Variants in MTCL1 observed in about 807,000 individuals in gnomAD.
MTCL1 encodes microtubule cross-linking factor 1.
MTCL1 carries 79 observed loss-of-function variants against 141.4 expected under a neutral mutation model. That is an observed-to-expected ratio of 0.56 (90% confidence interval 0.47 to 0.67). MTCL1 has a LOEUF of 0.67. Ranked by LOEUF, MTCL1 falls within the 30% of genes least tolerant of loss-of-function variation. MTCL1 has a pLI of 0.00. For missense variants in MTCL1, 2,177 were observed against 2,113.9 expected, an observed-to-expected ratio of 1.03 and a Z score of -0.59; for synonymous variants, 914 against 875.8, an observed-to-expected ratio of 1.04 and a Z score of -0.77.
At chr18:8,784,559 G>A (rs1284623346) in exon 6 of MTCL1, 1 of 1,608,562 alleles carries the variant, frequency 6.2e-7, no homozygotes, top group Non-Finnish European at 8.5e-7. Flanking sequence ...CCATGATGCG[G>A]GGCTGCGGGG....
intron 4 of MTCL1, among the ~76,000 whole-genome samples, chr18:8,774,932 C>T (rs1304004290): frequency 6.6e-6 from 1 of 152,084 alleles, no homozygotes; most frequent in Non-Finnish European, 1.5e-5. Context: ...CTCAGGGCTA[C>T]AGTTGACAGC....
At chr18:8,802,614 G>A (rs2076158640) in intron 10 of MTCL1, among the ~76,000 whole-genome samples, 1 of 152,240 alleles carries the variant, frequency 6.6e-6, no homozygotes, top group African/African-American at 2.4e-5. Flanking sequence ...TGGATAGACA[G>A]ACTTGGATAG....
intron 4 of MTCL1, among the ~76,000 whole-genome samples, chr18:8,767,646 T>C (rs2096465636): frequency 6.6e-6 from 1 of 152,172 alleles, no homozygotes; most frequent in African/African-American, 2.4e-5. Flanking sequence ...CCATCAGTCT[T>C]GTCCATCATT....
In MTCL1 at chr18:8,785,390, G is replaced by A. The variant is rs3810052; in HGVS notation, c.1732-546G>A. 2.2e-4 allele frequency among the ~76,000 whole-genome samples: 33 copies of A among 152,322 alleles called. 1 individual carries two copies. In the East Asian group the frequency reaches 5.0e-3, roughly 23 times the overall value. On this transcript the variant is annotated intron_variant, in intron 6 of 16. Transcript: ENST00000359865. ...TCAGCCAAAGCGGGCGAGGAGCACG[G>A]TGCTGAGAAGGATGGTTTTGGTGGA...
intron 6 of MTCL1, among the ~76,000 whole-genome samples, chr18:8,785,152 A>G (rs1250366167): frequency 2.0e-5 from 3 of 151,998 alleles, no homozygotes; most frequent in Non-Finnish European, 2.9e-5. Flanking sequence ...TGGAAGCGAT[A>G]GGGCTCGACG....
At chr18:8,812,313 G>T (rs775744794) in intron 11 of MTCL1, among the ~76,000 whole-genome samples, 5 of 151,632 alleles carry the variant, frequency 3.3e-5, no homozygotes, top group Non-Finnish European at 5.9e-5. Context: ...GTTTTCATTT[G>T]CTGAAAAGTG....
At chr18:8,740,514 G>T (rs34717954) in intron 4 of MTCL1, among the ~76,000 whole-genome samples, 38,607 of 151,954 alleles carry the variant, frequency 0.25, 5,836 homozygotes, top group Admixed American at 0.41. Context: ...GCAGAGTCTC[G>T]CTCTGTCACC....
chr18:8,739,502 C>A (rs1236675328), intron 4 of MTCL1, among the ~76,000 whole-genome samples: 1 of 152,140 alleles, frequency 6.6e-6, no homozygotes, highest in Non-Finnish European at 1.5e-5. Context: ...TTCTTCTTTT[C>A]ATGTTAATAA....
rs182050922 is a variant in MTCL1 at position 8,812,264 on chromosome 18, C to G, written c.2605-715C>G. Among the ~76,000 whole-genome samples the G allele has an allele frequency of 8.5e-5, 13 of 152,198 alleles. 1 individual carries two copies. The East Asian group carries it at 2.5e-3, about 29-fold the overall frequency. ...CTTTTTCATTTCCTGAAGTACAGGT[C>G]TGTTGGCAATGGTTTTTTTTGTTTT... On this transcript the variant is annotated intron_variant, in intron 11 of 16. Coordinates refer to ENST00000359865, the Ensembl canonical transcript of MTCL1.
At chr18:8,781,956 G>A (rs1254227757) in intron 5 of MTCL1, 3 of 152,316 alleles carry the variant, frequency 2.0e-5, no homozygotes, top group African/African-American at 7.2e-5. Context: ...CTTGGTCGTA[G>A]GTGTTGGGCT....
intron 6 of MTCL1, 189 bp from the exon 6 acceptor site, chr18:8,785,747 T>G: frequency 1.5e-6 from 1 of 675,530 alleles, no homozygotes; most frequent in Non-Finnish European, 2.5e-6. Context: ...TTCACTTTCT[T>G]ACACCACTGT....
intron 4 of MTCL1, among the ~76,000 whole-genome samples, chr18:8,740,039 T>C (rs1476964463): frequency 6.6e-6 from 1 of 152,202 alleles, no homozygotes; most frequent in African/African-American, 2.4e-5. Context: ...CCAAGGAGAT[T>C]GTAAAGAGGA....
At position 8,779,182 on chromosome 18, in the gene MTCL1, A is replaced by C; in HGVS notation, c.417+1290A>C. Among the ~76,000 whole-genome samples, 1 of 152,198 alleles carries C rather than the reference A, an allele frequency of 6.6e-6. No individual in the cohort carries two copies. The highest frequency in any genetic ancestry group is 1.9e-4 in the East Asian group (1 of 5,184). ...GACTTGCAAGCCAAAGAATATATAC[A>C]GAGAGCGATATATTTCTGTTGCTTG... On this transcript the variant is annotated intron_variant, in intron 5 of 16. Coordinates refer to ENST00000359865, the Ensembl canonical transcript of MTCL1. The surrounding 1 kb of genome is among the most constrained non-coding windows in gnomAD (Gnocchi z 4.1).
chr18:8,807,456 T>G (rs1598751250), intron 11 of MTCL1, among the ~76,000 whole-genome samples: 3 of 152,196 alleles, frequency 2.0e-5, no homozygotes, highest in Non-Finnish European at 2.9e-5. Flanking sequence ...ATGCTTTCAT[T>G]GAGATTTTTC....
intron 4 of MTCL1, among the ~76,000 whole-genome samples, chr18:8,772,716 G>A (rs911833251): frequency 6.6e-6 from 1 of 151,518 alleles, no homozygotes; most frequent in Non-Finnish European, 1.5e-5. Context: ...TAAGCATTTT[G>A]AGATCACTAA....
Position 8,779,743 on chromosome 18 carries a change from A to C in MTCL1, c.417+1851A>C, listed in dbSNP as rs1343647904. ...GTCTTGGTGGCAGGCCTCATAGTGC[A>C]TGTGTGGTTGTTAAGTAGAAATGAC... On this transcript the variant is annotated intron_variant, in intron 5 of 16. Transcript: ENST00000359865. The surrounding 1 kb of genome is among the most constrained non-coding windows in gnomAD (Gnocchi z 4.1). Among the ~76,000 whole-genome samples, 2 of 151,982 alleles carry C rather than the reference A, an allele frequency of 1.3e-5. No individual in the cohort carries two copies. Among genetic ancestry groups the C allele is most frequent in the Admixed American group, 6.5e-5 (1 of 15,278 alleles).
At chr18:8,831,006 ACCAGAC>A (rs1248834893) in intron 16 of MTCL1, 1 of 985,928 alleles carries the variant, frequency 1.0e-6, no homozygotes, top group Non-Finnish European at 1.2e-6. Context: ...ATTAAAGAAA[ACCAGAC>A]CCAAATTAAA....
At chr18:8,816,039 A>G (rs759699040) in intron 12 of MTCL1, among the ~76,000 whole-genome samples, 3 of 152,220 alleles carry the variant, frequency 2.0e-5, no homozygotes, top group Non-Finnish European at 4.4e-5. Flanking sequence ...GACTTCTTAA[A>G]TCTCAGTGCC....
intron 4 of MTCL1, among the ~76,000 whole-genome samples, chr18:8,728,311 A>G (rs1332813011): frequency 6.6e-6 from 1 of 151,972 alleles, no homozygotes; most frequent in Non-Finnish European, 1.5e-5. Flanking sequence ...AGTTTTTTTC[A>G]GTTAGCAGTA....
Sources: allele counts gnomAD v4.1 joint callset (sites outside exome capture counted in the v4.1 genomes callset), GRCh38; gene constraint gnomAD v4.1.1; non-coding constraint Gnocchi (gnomAD v3.1); transcripts MANE v1.5; gene names NCBI Gene and HGNC (gene_info 2026-07-23, HGNC 2026-07-21).